The following TLE4 variants were observed in gnomAD, a reference collection of about 807,000 sequenced individuals.
The protein encoded by TLE4 is transducin-like enhancer protein 4.
Under a neutral mutation model 92.8 loss-of-function variants are expected in TLE4, and 8 were observed. The ratio of observed to expected loss-of-function variants is 0.09; its 90% confidence interval spans 0.05 to 0.16. The LOEUF is 0.16. TLE4 is among the 10% of genes least tolerant of loss of function. The pLI is 1.00. For synonymous variants in TLE4, 371 were observed against 374.1 expected (o/e 0.99, Z 0.10); for missense variants, 675 against 997.6 (o/e 0.68, Z 4.36).
intron 6 of TLE4, among the ~76,000 whole-genome samples, chr9:79,628,292 G>T (rs1301839745): frequency 2.0e-5 from 3 of 151,634 alleles, no homozygotes; most frequent in African/African-American, 7.3e-5. Flanking sequence ...TTTCTTTTGT[G>T]TATAGATTAT....
At chr9:79,700,113 G>A (rs1469033884) in intron 8 of TLE4, among the ~76,000 whole-genome samples, 2 of 152,166 alleles carry the variant, frequency 1.3e-5, no homozygotes, top group African/African-American at 4.8e-5. Context: ...GGGACTGCGC[G>A]TTGTACTTTA....
chr9:79,610,783 A>T (rs139612526), intron 4 of TLE4, among the ~76,000 whole-genome samples: 112 of 152,160 alleles, frequency 7.4e-4, no homozygotes, highest in African/African-American at 2.6e-3. Context: ...CAGACTTAAT[A>T]CAGCCTAGGT....
chr9:79,596,748 C>G (rs529141449), intron 4 of TLE4, among the ~76,000 whole-genome samples: 1 of 152,282 alleles, frequency 6.6e-6, no homozygotes, highest in East Asian at 1.9e-4. Context: ...GGATTTTATT[C>G]GTAAGCCTAC....
At chr9:79,579,190 AGTT>A (rs1391405723) in intron 4 of TLE4, among the ~76,000 whole-genome samples, 3 of 152,154 alleles carry the variant, frequency 2.0e-5, no homozygotes, top group African/African-American at 7.2e-5. Flanking sequence ...CCCAGGGTTT[AGTT>A]GTTAAGTTTT....
intron 8 of TLE4, among the ~76,000 whole-genome samples, chr9:79,670,788 TC>T (rs1157032819): frequency 2.6e-5 from 4 of 152,116 alleles, no homozygotes; most frequent in Non-Finnish European, 4.4e-5. Flanking sequence ...CTATTTACCA[TC>T]CTTGTGATTT....
intron 4 of TLE4, among the ~76,000 whole-genome samples, chr9:79,581,372 G>A (rs1242441438): frequency 6.6e-6 from 1 of 152,136 alleles, no homozygotes; most frequent in Admixed American, 6.5e-5. Context: ...GTGTGTGTAT[G>A]TTTTAGGGTG....
chr9:79,676,688 C>T (rs1254513734), intron 8 of TLE4, among the ~76,000 whole-genome samples: 3 of 152,088 alleles, frequency 2.0e-5, no homozygotes, highest in Admixed American at 6.6e-5. Flanking sequence ...GCGTGGCCAT[C>T]GTCTAGCCTT....
Position 79,708,744 on chromosome 9 carries a change from T to C in TLE4, c.1221T>C (p.Ala407=), listed in dbSNP as rs373825086. ...HNISPQMSAA[A]AAAAAAAAYG... is the part of the protein sequence containing the mutation. ...TCTCCCCTCAGATGAGCGCAGCTGC[T>C]GCCGCCGCCGCTGCTGCTGCTGCCT... The change falls in exon 13 of 20, where the codon GCT becomes GCC. Residue 407 remains alanine (A), a synonymous_variant. Transcript: ENST00000376552. The C allele has an allele frequency of 1.4e-4, 219 of 1,608,240 alleles. No individual in the cohort carries two copies. Among genetic ancestry groups the C allele is most frequent in the Non-Finnish European group, 1.8e-4 (213 of 1,179,312 alleles).
chr9:79,720,080 T>A lies in TLE4; in HGVS notation c.1625T>A (p.Leu542His). Residue 542 changes from leucine to histidine, a missense_variant, in exon 16 of 20, where the codon CTC (leucine) becomes CAC (histidine). Coordinates refer to ENST00000376552, the MANE Select transcript of TLE4 (RefSeq NM_007005.6). Reference sequence around the variant, plus strand: ...AACTACATCCGTTCCTGCAGATTGCTCCCTGATGGTCGCACCCTAATTGTT... The same window carrying A: ...AACTACATCCGTTCCTGCAGATTGCACCCTGATGGTCGCACCCTAATTGTT... ...RDNYIRSCRL[L>H]PDGRTLIVGG... 1.2e-6 allele frequency: 2 copies of A among 1,613,802 alleles called. No homozygotes were observed. The highest frequency in any genetic ancestry group is 1.7e-6 in the Non-Finnish European group (2 of 1,179,716).
intron 1 of TLE4, chr9:79,573,269 C>A: frequency 9.8e-7 from 1 of 1,021,344 alleles, no homozygotes; most frequent in Non-Finnish European, 1.2e-6. Context: ...AGCGGGCGAA[C>A]GAACGAGCCG....
intron 8 of TLE4, among the ~76,000 whole-genome samples, chr9:79,691,138 C>T (rs1466631059): frequency 1.3e-5 from 2 of 152,108 alleles, no homozygotes; most frequent in Non-Finnish European, 1.5e-5. Flanking sequence ...GTCTAAACCA[C>T]CAGCATTTCC....
intron 16 of TLE4, among the ~76,000 whole-genome samples, chr9:79,721,376 C>G (rs1175542999): frequency 6.6e-6 from 1 of 152,220 alleles, no homozygotes; most frequent in Non-Finnish European, 1.5e-5. Flanking sequence ...ATTAAATTCT[C>G]TCTCCCTCAT....
intron 8 of TLE4, among the ~76,000 whole-genome samples, chr9:79,658,893 A>G (rs952230844): frequency 2.0e-5 from 3 of 152,198 alleles, no homozygotes; most frequent in Non-Finnish European, 2.9e-5. Context: ...GACTTTTGGT[A>G]TCTTCTGTTT....
intron 14 of TLE4, among the ~76,000 whole-genome samples, chr9:79,711,201 C>T (rs2073192923): frequency 6.6e-6 from 1 of 152,164 alleles, no homozygotes; most frequent in Non-Finnish European, 1.5e-5. Flanking sequence ...GCTCCACAGC[C>T]AAGTTGCTTG....
chr9:79,653,168 C>T (rs1307857088), intron 7 of TLE4, among the ~76,000 whole-genome samples: 1 of 152,200 alleles, frequency 6.6e-6, no homozygotes, highest in Admixed American at 6.5e-5. Flanking sequence ...GATAAATGCT[C>T]ACTTGATATT....
At chr9:79,630,531 C>T (rs553447166) in intron 6 of TLE4, among the ~76,000 whole-genome samples, 1 of 152,066 alleles carries the variant, frequency 6.6e-6, no homozygotes, top group African/African-American at 2.4e-5. Flanking sequence ...TCAGGCCTTC[C>T]CCAAGTTCCC....
intron 16 of TLE4, 112 bp downstream of exon 16, chr9:79,720,405 T>G (rs943641320): frequency 8.1e-7 from 1 of 1,237,168 alleles, no homozygotes; most frequent in Non-Finnish European, 1.1e-6. Flanking sequence ...TGTGTGTGTG[T>G]GTGTGTGTGT....
At chr9:79,660,864 G>A (rs1266348157) in intron 8 of TLE4, among the ~76,000 whole-genome samples, 1 of 152,158 alleles carries the variant, frequency 6.6e-6, no homozygotes, top group Non-Finnish European at 1.5e-5. Flanking sequence ...CGCTTGTTTT[G>A]CAGCACCCTC....
At chr9:79,653,010 C>G in intron 7 of TLE4, 2 of 642,786 alleles carry the variant, frequency 3.1e-6, no homozygotes, top group Non-Finnish European at 5.8e-6. Context: ...GCAGAGGGGC[C>G]TATTTCTGGT....
Sources: allele counts gnomAD v4.1 joint callset (sites outside exome capture counted in the v4.1 genomes callset), GRCh38; gene constraint gnomAD v4.1.1; transcripts MANE v1.5; gene names NCBI Gene and HGNC (gene_info 2026-07-23, HGNC 2026-07-21).